Variants in INPP4B observed in about 807,000 individuals in gnomAD.
INPP4B encodes inositol polyphosphate 4-phosphatase type II.
Under a neutral mutation model 122.5 loss-of-function variants are expected in INPP4B, and 55 were observed. That is an observed-to-expected ratio of 0.45 (90% CI 0.36 to 0.56). INPP4B has a LOEUF of 0.56. Ranked by LOEUF, INPP4B falls within the 20% of genes least tolerant of loss-of-function variation. INPP4B has a pLI of 0.00. For synonymous variants in INPP4B, 403 were observed against 388.7 expected, an observed-to-expected ratio of 1.04 and a Z score of -0.43; for missense variants, 1,000 against 1,097.7, an observed-to-expected ratio of 0.91 and a Z score of 1.26.
chr4:142,544,752 C>T (rs540402030), intron 2 of INPP4B, among the ~76,000 whole-genome samples: 7 of 152,084 alleles, frequency 4.6e-5, no homozygotes, highest in East Asian at 1.9e-4. Context: ...ATTGAGACTG[C>T]GCCTGCCAGA....
intron 18 of INPP4B, among the ~76,000 whole-genome samples, chr4:142,130,888 C>T (rs1800920670): frequency 6.6e-6 from 1 of 152,192 alleles, no homozygotes; most frequent in South Asian, 2.1e-4. Flanking sequence ...AACACAGTGT[C>T]ATAAAACTTT....
intron 2 of INPP4B, among the ~76,000 whole-genome samples, chr4:142,530,550 C>CATAT (rs35595178): frequency 1.2e-3 from 166 of 140,460 alleles, no homozygotes; most frequent in African/African-American, 2.8e-3. Flanking sequence ...TATGTGTGTG[C>CATAT]ATATATATAT....
chr4:142,449,862 A>G (rs1448083098), intron 3 of INPP4B, among the ~76,000 whole-genome samples: 2 of 152,198 alleles, frequency 1.3e-5, no homozygotes, highest in African/African-American at 4.8e-5. Context: ...TGTGGGCTAC[A>G]GGCCCACATT....
At chr4:142,439,978 A>T (rs953437747) in intron 3 of INPP4B, among the ~76,000 whole-genome samples, 1 of 152,190 alleles carries the variant, frequency 6.6e-6, no homozygotes, top group Admixed American at 6.5e-5. Flanking sequence ...ATAATTTATT[A>T]CTGTTTATTT....
rs1027887798 is a variant in INPP4B at position 142,127,368 on chromosome 4, T to G, written c.1721-2608A>C. Reference sequence around the variant, plus strand: ...AAAAAGTATTTAAAGGAGAAAACTTTGCAGATTGTCTCATTAGCATAAGGA... The same window carrying G: ...AAAAAGTATTTAAAGGAGAAAACTTGGCAGATTGTCTCATTAGCATAAGGA... On this transcript the variant is annotated intron_variant, in intron 18 of 25. Transcript: ENST00000262992. Among the ~76,000 whole-genome samples, 7 of 152,180 alleles carry G rather than the reference T, an allele frequency of 4.6e-5. No individual in the cohort carries two copies. In the South Asian group the frequency reaches 6.2e-4, roughly 13 times the overall value.
rs149436848 is a variant in INPP4B at position 142,201,995 on chromosome 4, T to C, written c.1072+6430A>G. On this transcript the variant is annotated intron_variant, in intron 14 of 25. Transcript: ENST00000262992. ...GAAAAATCTAAGTGGGAATATCTTATAGAAAATTTAAGCAAACAAAATACA... is the reference window on the plus strand; with the variant it reads ...GAAAAATCTAAGTGGGAATATCTTACAGAAAATTTAAGCAAACAAAATACA... 6.1e-4 allele frequency among the ~76,000 whole-genome samples: 93 copies of C among 152,164 alleles called. 1 individual carries two copies. Among genetic ancestry groups the C allele is most frequent in the African/African-American group, 2.0e-3 (85 of 41,552 alleles).
intron 1 of INPP4B, among the ~76,000 whole-genome samples, chr4:142,742,840 G>A (rs939874339): frequency 6.6e-6 from 1 of 151,864 alleles, no homozygotes. Context: ...AAACAATGTA[G>A]AGCTAAGTGA....
chr4:142,796,874 G>A (rs1238720980), intron 1 of INPP4B, among the ~76,000 whole-genome samples: 2 of 89,228 alleles, frequency 2.2e-5, no homozygotes, highest in Non-Finnish European at 5.0e-5. Flanking sequence ...ACAGATGTGT[G>A]TGTGTGTGTG....
intron 2 of INPP4B, among the ~76,000 whole-genome samples, chr4:142,584,679 C>A (rs184524929): frequency 6.6e-6 from 1 of 152,024 alleles, no homozygotes; most frequent in Non-Finnish European, 1.5e-5. Context: ...ACCTTAATCA[C>A]CTGGATAAGG....
chr4:142,431,993 A>G (rs181488656), intron 3 of INPP4B, among the ~76,000 whole-genome samples: 41 of 152,254 alleles, frequency 2.7e-4, no homozygotes, highest in African/African-American at 8.9e-4. Context: ...AGAATGAATC[A>G]TTCTTCTAAA....
At chr4:142,595,325 T>G (rs1324153674) in intron 2 of INPP4B, among the ~76,000 whole-genome samples, 1 of 151,962 alleles carries the variant, frequency 6.6e-6, no homozygotes, top group African/African-American at 2.4e-5. Flanking sequence ...ACCTTCTTGC[T>G]AAAAGATTCT....
intron 21 of INPP4B, among the ~76,000 whole-genome samples, chr4:142,116,220 T>G (rs2152723871): frequency 6.6e-6 from 1 of 152,178 alleles, no homozygotes; most frequent in Admixed American, 6.5e-5. Context: ...ATGGGAGACT[T>G]TAACACCTCA....
chr4:142,294,359 G>A (rs971291770), intron 9 of INPP4B, among the ~76,000 whole-genome samples: 2 of 152,016 alleles, frequency 1.3e-5, no homozygotes, highest in African/African-American at 4.8e-5. Flanking sequence ...GACAGTCATT[G>A]GTCACAGGAA....
chr4:142,132,739 A>G lies in INPP4B; in HGVS notation c.1721-7979T>C, dbSNP rs942404708. Among the ~76,000 whole-genome samples, 5 of 152,224 alleles carry G rather than the reference A, an allele frequency of 3.3e-5. No homozygotes were observed. The East Asian group carries it at 9.7e-4, about 29-fold the overall frequency. On this transcript the variant is annotated intron_variant, in intron 18 of 25. Coordinates refer to ENST00000262992, the MANE Select transcript of INPP4B (RefSeq NM_001101669.3). The stretch of plus-strand genomic sequence containing the variant: ...CCACATTATCAATATTTCCTTTTTA[A>G]CTGGATCATTCTTGTCAGAAAACAA...
At chr4:142,208,868 T>G (rs776418029) in intron 13 of INPP4B, 28 bp downstream of exon 13, 6 of 1,457,140 alleles carry the variant, frequency 4.1e-6, no homozygotes, top group South Asian at 1.6e-5. Context: ...CAATTCACTT[T>G]GAGTAAGTAG....
chr4:142,205,934 T>C (rs963098883), intron 14 of INPP4B, among the ~76,000 whole-genome samples: 12 of 152,140 alleles, frequency 7.9e-5, no homozygotes, highest in African/African-American at 2.9e-4. Flanking sequence ...GAAGAACTAC[T>C]GTCTTACTCC....
chr4:142,406,124 C>G (rs1048119276), intron 5 of INPP4B, among the ~76,000 whole-genome samples: 1 of 152,088 alleles, frequency 6.6e-6, no homozygotes, highest in African/African-American at 2.4e-5. Context: ...CCTCTCTATC[C>G]CCGCCACCCT....
At position 142,314,768 on chromosome 4, in the gene INPP4B, G is replaced by A; in HGVS notation, c.373-6C>T. On this transcript the variant is annotated splice_region_variant and splice_polypyrimidine_tract_variant and intron_variant, in intron 7 of 25. Transcript: ENST00000262992. ...GGTAGGACACTGGTTCGAACCTGTG[G>A]AGAAAAACATTTTCTGTAAGACTTT... 3 of 1,593,188 alleles carry A rather than the reference G, an allele frequency of 1.9e-6. No homozygotes were observed. In the South Asian group the frequency reaches 3.5e-5, roughly 19 times the overall value.
At chr4:142,590,204 T>C (rs1192533245) in intron 2 of INPP4B, among the ~76,000 whole-genome samples, 2 of 152,206 alleles carry the variant, frequency 1.3e-5, no homozygotes, top group East Asian at 3.9e-4. Flanking sequence ...TACATGACAC[T>C]ATGCCTTTTT....
Sources: allele counts gnomAD v4.1 joint callset (sites outside exome capture counted in the v4.1 genomes callset), GRCh38; gene constraint gnomAD v4.1.1; transcripts MANE v1.5; gene names NCBI Gene and HGNC (gene_info 2026-07-23, HGNC 2026-07-21).